The following NT5DC4 variants were observed in gnomAD, a reference collection of about 807,000 sequenced individuals.
The protein encoded by NT5DC4 is 5'-nucleotidase domain containing 4, also known as 5'-nucleotidase domain-containing protein 4.
NT5DC4 carries 44 observed loss-of-function variants against 26.6 expected under a neutral mutation model. That is an observed-to-expected ratio of 1.65 (90% CI 1.30 to 2.13). NT5DC4 has a LOEUF of 2.13. Ranked by LOEUF, NT5DC4 falls within the 30% of genes most tolerant of loss-of-function variation. NT5DC4 has a pLI of 0.00. For missense variants in NT5DC4, 399 were observed against 228.1 expected (o/e 1.75, Z -4.83); for synonymous variants, 157 against 86.7 (o/e 1.81, Z -4.51).
chr2:112,726,821 TGTCCTCG>T, intron 15 of NT5DC4, 83 bp downstream of exon 15: 1 of 713,686 alleles, frequency 1.4e-6, no homozygotes, highest in Non-Finnish European at 2.6e-6. Context: ...CTGTCGGCTT[TGTCCTCG>T]GTGCCAAAGG....
At chr2:112,742,845 A>G (rs990581346), downstream of NT5DC4, 8 of 915,396 alleles carry the variant, frequency 8.7e-6, no homozygotes, top group African/African-American at 1.3e-4. Context: ...TTTAACTTCA[A>G]ATACATGTTT....
chr2:112,724,247 G>C (rs1204703667), intron 10 of NT5DC4, 121 bp downstream of exon 10: 2 of 696,594 alleles, frequency 2.9e-6, no homozygotes, highest in Non-Finnish European at 5.3e-6. Context: ...GAAGACCTGA[G>C]TGTGTGAGTG....
downstream of NT5DC4, among the ~76,000 whole-genome samples, chr2:112,739,559 T>C (rs995537314): frequency 1.2e-4 from 18 of 152,244 alleles, no homozygotes; most frequent in African/African-American, 4.3e-4. Flanking sequence ...GCAGTTGGTG[T>C]TCATTTATTC....
Position 112,722,053 on chromosome 2 carries a change from G to T in NT5DC4, c.216G>T (p.Gly72=). 1 of 717,140 alleles carries T rather than the reference G, an allele frequency of 1.4e-6. No homozygotes were observed. The highest frequency in any genetic ancestry group is 1.5e-5 in the South Asian group (1 of 67,604). The allele number at this position is 717,140 out of a possible 1,614,324, so 44.4% of individuals were successfully genotyped here. A position where few individuals can be genotyped will look rare whatever the true frequency, so the allele number is the denominator to read the frequency against. ...TGCTGGAGCGCCTGGTGTGCATTGGGTACCCGCATGAGATCCTGCGCTACA... is the reference window on the plus strand; with the variant it reads ...TGCTGGAGCGCCTGGTGTGCATTGGTTACCCGCATGAGATCCTGCGCTACA... The part of the protein sequence containing the change: ...ELLLERLVCI[G]YPHEILRYTY... Residue 72 remains glycine (G), a synonymous_variant, in exon 3 of 17, where the codon GGG becomes GGT. Transcript: ENST00000688554.
chr2:112,722,796 C>G (rs1677086017), intron 6 of NT5DC4, 25 bp downstream of exon 6: 3 of 717,502 alleles, frequency 4.2e-6, no homozygotes, highest in Non-Finnish European at 5.2e-6. Flanking sequence ...CTGCCCAGCC[C>G]TGGGACGACC....
rs1264413134 is a variant in NT5DC4 at position 112,723,781 on chromosome 2, C to T, written c.735C>T (p.Asn245=). ...KEVGKVFLAT[N]SSYNYTNAIM... ...TTGGGAAAGTGTTTCTGGCCACCAA[C>T]AGCAGCTACAACTACACCAATGTGA... Residue 245 remains asparagine, a synonymous_variant, in exon 9 of 17, where the codon AAC becomes AAT. Coordinates refer to ENST00000688554, the MANE Select transcript of NT5DC4 (RefSeq NM_001393655.1). The T allele has an allele frequency of 8.4e-6, 6 of 717,142 alleles. No homozygotes were observed. Among genetic ancestry groups the T allele is most frequent in the African/African-American group, 1.7e-5 (1 of 57,256 alleles). 44.4% of individuals were successfully genotyped at this position (717,142 alleles called of 1,614,324 possible).
chr2:112,719,920 CTTTCTCTT>C (rs1440507900), upstream of NT5DC4, among the ~76,000 whole-genome samples: 8 of 87,982 alleles, frequency 9.1e-5, no homozygotes, highest in Admixed American at 1.5e-4. Flanking sequence ...TTCTTTCTTT[CTTTCTCTT>C]TCTTTCTTTC....
intron 16 of NT5DC4, among the ~76,000 whole-genome samples, chr2:112,733,444 G>A (rs558824812): frequency 6.6e-6 from 1 of 152,170 alleles, no homozygotes; most frequent in East Asian, 1.9e-4. Context: ...GGGTGGGAGG[G>A]GGGGACATGG....
At chr2:112,742,651 T>C (rs1680050313), downstream of NT5DC4, 1 of 1,148,362 alleles carries the variant, frequency 8.7e-7, no homozygotes, top group Non-Finnish European at 1.3e-6. Context: ...ATGTCCTGGA[T>C]GATTTTTACT....
At chr2:112,732,520 G>A (rs892814459) in intron 16 of NT5DC4, among the ~76,000 whole-genome samples, 4 of 152,130 alleles carry the variant, frequency 2.6e-5, no homozygotes, top group South Asian at 2.1e-4. Context: ...GTCTTTAAAC[G>A]CTTGATTCTT....
chr2:112,724,837 G>A lies in NT5DC4; in HGVS notation c.846G>A (p.Thr282=), dbSNP rs759253476. ...ACTTTGACCTGATCGTGGTGGACACGCAGAAGCCCCACTTCTTTGCAGAGG... is the reference window on the plus strand; with the variant it reads ...ACTTTGACCTGATCGTGGTGGACACACAGAAGCCCCACTTCTTTGCAGAGG... The part of the protein sequence containing the change: ...RSYFDLIVVD[T]QKPHFFAEGL... Residue 282 remains threonine (T), a synonymous_variant, in exon 11 of 17, where the codon ACG becomes ACA. Coordinates refer to ENST00000688554, the MANE Select transcript of NT5DC4 (RefSeq NM_001393655.1). 20 of 717,062 alleles carry A rather than the reference G, an allele frequency of 2.8e-5. No homozygotes were observed. Among genetic ancestry groups the A allele is most frequent in the African/African-American group, 1.2e-4 (7 of 57,238 alleles). 44.4% of individuals were successfully genotyped at this position (717,062 alleles called of 1,614,324 possible). A position where few individuals can be genotyped will look rare whatever the true frequency, so the allele number is the denominator to read the frequency against.
chr2:112,740,151 C>T (rs1309736775), downstream of NT5DC4, among the ~76,000 whole-genome samples: 2 of 152,150 alleles, frequency 1.3e-5, no homozygotes, highest in Non-Finnish European at 2.9e-5. Flanking sequence ...AGTTCATCCA[C>T]TTATGAACTG....
At chr2:112,738,814 A>G in intron 16 of NT5DC4, 99 bp from the exon 17 acceptor site, 1 of 1,558,030 alleles carries the variant, frequency 6.4e-7, no homozygotes, top group Non-Finnish European at 8.9e-7. Flanking sequence ...TAAAAAAAGC[A>G]TCAAGAAATT....
chr2:112,726,592 C>T, intron 14 of NT5DC4, 86 bp from the exon 15 acceptor site: 2 of 713,616 alleles, frequency 2.8e-6, no homozygotes, highest in Non-Finnish European at 5.2e-6. Context: ...GTCCCCCCAC[C>T]CGACCCCTGC....
rs1333797780 is a variant in NT5DC4 at position 112,729,732 on chromosome 2, T to C, written c.1344+28T>C. On this transcript the variant is annotated intron_variant, in intron 16 of 16. Transcript: ENST00000688554. ...GAGTGGCTGTGGCCGACGAACTCTG[T>C]GGCTTGGGGTCCCATGGGCTAGAGT... 3 of 717,236 alleles carry C rather than the reference T, an allele frequency of 4.2e-6. No individual in the cohort carries two copies. In the African/African-American group the frequency reaches 5.2e-5, roughly 13 times the overall value. 44.4% of individuals were successfully genotyped at this position (717,236 alleles called of 1,614,324 possible).
chr2:112,738,622 CA>C (rs1679564871), intron 16 of NT5DC4: 1 of 576,150 alleles, frequency 1.7e-6, no homozygotes, highest in Admixed American at 3.2e-5. Flanking sequence ...GTAAAACTGG[CA>C]AACTGGTCTT....
At chr2:112,730,122 G>A (rs1678299650) in intron 16 of NT5DC4, among the ~76,000 whole-genome samples, 2 of 151,944 alleles carry the variant, frequency 1.3e-5, no homozygotes, top group African/African-American at 4.8e-5. Flanking sequence ...AGACCAGCCT[G>A]GCCAACATGG....
intron 16 of NT5DC4, among the ~76,000 whole-genome samples, chr2:112,735,718 CAA>C (rs377080172): frequency 6.6e-4 from 101 of 152,282 alleles, no homozygotes; most frequent in African/African-American, 2.3e-3. Context: ...TGAGTATCTA[CAA>C]AGAGTCCCAG....
At chr2:112,734,090 A>G (rs1678777264) in intron 16 of NT5DC4, among the ~76,000 whole-genome samples, 1 of 152,062 alleles carries the variant, frequency 6.6e-6, no homozygotes, top group Non-Finnish European at 1.5e-5. Context: ...TAAAGCTATT[A>G]TAAGGATATA....
Sources: allele counts gnomAD v4.1 joint callset (sites outside exome capture counted in the v4.1 genomes callset), GRCh38; gene constraint gnomAD v4.1.1; transcripts MANE v1.5; gene names NCBI Gene and HGNC (gene_info 2026-07-23, HGNC 2026-07-21).